Variants in MICAL2 observed in about 807,000 individuals in gnomAD.
The protein encoded by MICAL2 is [F-actin]-monooxygenase MICAL2.
In MICAL2, 77 loss-of-function variants were observed where a neutral mutation model predicts 127.3. The observed-to-expected ratio is 0.60, with a 90% CI of 0.50 to 0.73. The LOEUF is 0.73. Among genes scored for constraint, MICAL2 ranks in the 30% least tolerant of loss-of-function variants. The pLI, the probability that MICAL2 is intolerant of heterozygous loss-of-function variation, is 0.00. For synonymous variants in MICAL2, 570 were observed against 551.1 expected, an observed-to-expected ratio of 1.03 and a Z score of -0.48; for missense variants, 1,351 against 1,434.4, an observed-to-expected ratio of 0.94 and a Z score of 0.94.
intron 2 of MICAL2, among the ~76,000 whole-genome samples, chr11:12,285,053 C>T (rs1863810176): frequency 1.3e-5 from 2 of 152,146 alleles, no homozygotes; most frequent in Admixed American, 1.3e-4. Flanking sequence ...TCCCTGAAAA[C>T]TCGGGGATCA....
At chr11:12,219,974 T>C (rs1856633315) in intron 8 of MICAL2, among the ~76,000 whole-genome samples, 1 of 152,250 alleles carries the variant, frequency 6.6e-6, no homozygotes, top group African/African-American at 2.4e-5. Context: ...CCTTTTGCCT[T>C]GGATGCCAGG....
At chr11:12,117,959 C>G (rs1025103279) in intron 1 of MICAL2, among the ~76,000 whole-genome samples, 3 of 152,174 alleles carry the variant, frequency 2.0e-5, no homozygotes, top group African/African-American at 7.2e-5. Flanking sequence ...GAGGCTCATG[C>G]AGTTGGAGCC....
chr11:12,121,885 G>A (rs1483678259), intron 1 of MICAL2, among the ~76,000 whole-genome samples: 1 of 152,220 alleles, frequency 6.6e-6, no homozygotes, highest in African/African-American at 2.4e-5. Flanking sequence ...AGCAGCAAAT[G>A]TAATGAGTTT....
intron 1 of MICAL2, among the ~76,000 whole-genome samples, chr11:12,136,499 A>G (rs188761614): frequency 1.8e-4 from 27 of 152,152 alleles, no homozygotes; most frequent in Non-Finnish European, 1.9e-4. Flanking sequence ...TCTTATAACA[A>G]CTAAGTAGTT....
intron 29 of MICAL2, among the ~76,000 whole-genome samples, chr11:12,314,857 A>G (rs889639380): frequency 1.3e-5 from 2 of 151,998 alleles, no homozygotes; most frequent in Non-Finnish European, 2.9e-5. Flanking sequence ...AAATCAATAC[A>G]TATTTTAAAC....
chr11:12,216,684 T>TGTGAATTCA (rs1329097541), intron 8 of MICAL2, among the ~76,000 whole-genome samples: 3 of 152,178 alleles, frequency 2.0e-5, no homozygotes, highest in Non-Finnish European at 4.4e-5. Flanking sequence ...TAGGCATCCT[T>TGTGAATTCA]TGACTTGTGA....
intron 30 of MICAL2, among the ~76,000 whole-genome samples, chr11:12,323,741 C>T (rs939818668): frequency 6.6e-6 from 1 of 152,150 alleles, no homozygotes; most frequent in Admixed American, 6.5e-5. Context: ...AATTTCTAAT[C>T]CACACTCACT....
chr11:12,343,480 T>A (rs937368836), intron 32 of MICAL2, among the ~76,000 whole-genome samples: 1 of 151,446 alleles, frequency 6.6e-6, no homozygotes, highest in African/African-American at 2.4e-5. Context: ...AATTGAGTGA[T>A]TCTGTTCAAC....
chr11:12,332,183 G>A (rs1938650777), intron 32 of MICAL2, among the ~76,000 whole-genome samples: 1 of 152,170 alleles, frequency 6.6e-6, no homozygotes, highest in South Asian at 2.1e-4. Flanking sequence ...ATGGGTTTTA[G>A]GAAATAGATA....
intron 3 of MICAL2, among the ~76,000 whole-genome samples, chr11:12,191,277 C>T (rs1382220724): frequency 6.6e-6 from 1 of 151,680 alleles, no homozygotes; most frequent in Non-Finnish European, 1.5e-5. Context: ...CCAGCCTGGC[C>T]AACATGGTGA....
chr11:12,228,709 G>A (rs1373416975), intron 15 of MICAL2, among the ~76,000 whole-genome samples: 3 of 152,204 alleles, frequency 2.0e-5, no homozygotes, highest in Non-Finnish European at 2.9e-5. Flanking sequence ...CGCTTCTACG[G>A]GATGGGCCCT....
At chr11:12,332,165 A>G (rs1938650494) in intron 32 of MICAL2, among the ~76,000 whole-genome samples, 1 of 152,188 alleles carries the variant, frequency 6.6e-6, no homozygotes, top group Non-Finnish European at 1.5e-5. Flanking sequence ...CTCTGCCACA[A>G]TTTGGGAATG....
At chr11:12,315,873 A>C (rs1864226392) in intron 29 of MICAL2, among the ~76,000 whole-genome samples, 1 of 152,108 alleles carries the variant, frequency 6.6e-6, no homozygotes, top group Non-Finnish European at 1.5e-5. Flanking sequence ...TTTTCTTTTC[A>C]GTTTGGTCAA....
intron 2 of MICAL2, chr11:12,281,233 C>A: frequency 5.0e-6 from 2 of 396,926 alleles, no homozygotes; most frequent in Non-Finnish European, 8.9e-6. Context: ...GGGGCTAGGA[C>A]CTTTGGGGAG....
At chr11:12,342,083 A>T (rs763496150) in intron 32 of MICAL2, among the ~76,000 whole-genome samples, 6 of 152,256 alleles carry the variant, frequency 3.9e-5, no homozygotes, top group Non-Finnish European at 8.8e-5. Flanking sequence ...GCATGAGATG[A>T]GGACACAGGA....
downstream of MICAL2, chr11:12,292,006 C>T (rs941489030): frequency 1.3e-5 from 14 of 1,091,250 alleles, no homozygotes; most frequent in African/African-American, 2.0e-4. Flanking sequence ...GCCTTGGGCA[C>T]CAGGAACCTC....
At chr11:12,327,080 G>A in intron 31 of MICAL2, 2 of 1,074,714 alleles carry the variant, frequency 1.9e-6, no homozygotes, top group Non-Finnish European at 2.8e-6. Context: ...AAGTGAAAGG[G>A]CCTCTTTCTC....
intron 19 of MICAL2, 113 bp downstream of exon 19, chr11:12,242,545 C>T: frequency 7.0e-7 from 1 of 1,426,692 alleles, no homozygotes; most frequent in Non-Finnish European, 9.8e-7. Flanking sequence ...CCCTGTCTCT[C>T]ATCCTGCTGT....
downstream of MICAL2, among the ~76,000 whole-genome samples, chr11:12,287,508 T>C (rs1863840338): frequency 6.6e-6 from 1 of 152,118 alleles, no homozygotes; most frequent in Admixed American, 6.5e-5. Context: ...AGGAACTCTA[T>C]GATTTGATTC....
Sources: allele counts gnomAD v4.1 joint callset (sites outside exome capture counted in the v4.1 genomes callset), GRCh38; gene constraint gnomAD v4.1.1; transcripts MANE v1.5; gene names NCBI Gene and HGNC (gene_info 2026-07-23, HGNC 2026-07-21).